MTAP: variants seen among roughly 807,000 people sequenced by gnomAD.
MTAP encodes methylthioadenosine phosphorylase.
MTAP carries 33 observed loss-of-function variants against 33.6 expected under a neutral mutation model. That is an observed-to-expected ratio of 0.98 (90% CI 0.74 to 1.31). The LOEUF (loss-of-function observed/expected upper bound fraction) is 1.31. MTAP is among the 40% of genes most tolerant of loss of function. The pLI, the probability that MTAP is intolerant of heterozygous loss-of-function variation, is 0.00. For missense variants in MTAP, 367 were observed against 360.0 expected, an observed-to-expected ratio of 1.02 and a Z score of -0.16; for synonymous variants, 148 against 125.7, an observed-to-expected ratio of 1.18 and a Z score of -1.19.
Position 21,854,871 on chromosome 9 carries a change from G to T in MTAP, c.690+1G>T. 6.2e-7 allele frequency: 1 copy of T among 1,613,972 alleles called. No individual in the cohort carries two copies. Among genetic ancestry groups the T allele is most frequent in the Non-Finnish European group, 8.5e-7 (1 of 1,179,842 alleles). Reference sequence around the variant, plus strand: ...CTGCTGGAAGGAGCACGAGGAAGCAGTAGGTGGAATTCTTTTCTAAGCACA... The same window carrying T: ...CTGCTGGAAGGAGCACGAGGAAGCATTAGGTGGAATTCTTTTCTAAGCACA... On this transcript the variant is annotated splice_donor_variant, in intron 6 of 7. Coordinates refer to ENST00000644715, the MANE Select transcript of MTAP (RefSeq NM_002451.4). LOFTEE classifies it high-confidence loss of function.
At chr9:21,835,992 G>C (rs1825095767) in intron 4 of MTAP, among the ~76,000 whole-genome samples, 1 of 152,094 alleles carries the variant, frequency 6.6e-6, no homozygotes. Flanking sequence ...TTAAGCCCTT[G>C]CTTCTCCCCC....
chr9:21,845,857 T>C (rs1377593426), intron 5 of MTAP, among the ~76,000 whole-genome samples: 1 of 152,142 alleles, frequency 6.6e-6, no homozygotes, highest in Non-Finnish European at 1.5e-5. Context: ...TTACCTGACA[T>C]CAAACTATAC....
chr9:21,863,329 C>T lies in MTAP; in HGVS notation c.*1315C>T, dbSNP rs1289413301. The T allele has an allele frequency of 1.0e-5, 10 of 982,690 alleles. No homozygotes were observed. Among genetic ancestry groups the T allele is most frequent in the Admixed American group, 6.2e-5 (1 of 16,212 alleles). 60.9% of individuals were successfully genotyped at this position (982,690 alleles called of 1,614,324 possible). ...TTTTATAGAAATGCTTTTTGTTGGC[C>T]GGGCACAGTTGCTCATCCATGTAAT... On this transcript the variant is annotated 3_prime_UTR_variant, in exon 8 of 8. Coordinates refer to ENST00000644715, the MANE Select transcript of MTAP (RefSeq NM_002451.4).
chr9:21,939,284 G>A (rs117779010), downstream of MTAP, among the ~76,000 whole-genome samples: 3,131 of 152,174 alleles, frequency 0.021, 57 homozygotes, highest in Non-Finnish European at 0.031. Context: ...GTGTGAAAAC[G>A]GACTAATGCA....
chr9:21,906,777 G>A (rs1010793501), intron 1 of MTAP, among the ~76,000 whole-genome samples: 1 of 152,120 alleles, frequency 6.6e-6, no homozygotes, highest in African/African-American at 2.4e-5. Flanking sequence ...TGGTATAACA[G>A]CAATTATTTA....
chr9:21,869,936 A>G (rs183081200), downstream of MTAP, among the ~76,000 whole-genome samples: 123 of 152,308 alleles, frequency 8.1e-4, 1 homozygote, highest in Admixed American at 4.5e-3. Flanking sequence ...TGTGATTTGC[A>G]CTTGCCCTCC....
chr9:21,897,656 TG>T lies in MTAP; in HGVS notation c.148-33349del, dbSNP rs1818318685. Among the ~76,000 whole-genome samples, 4 of 152,172 alleles carry T rather than the reference TG, an allele frequency of 2.6e-5. No homozygotes were observed. In the South Asian group the frequency reaches 6.2e-4, roughly 24 times the overall value. On this transcript the variant is annotated intron_variant, in intron 1 of 1. Coordinates refer to the MTAP transcript ENST00000577563. ...ATTGCTTCAAAGAGAATAAAATAGC[TG>T]GGAATCCAGCTTACAAGGGATGTGA...
intron 1 of MTAP, among the ~76,000 whole-genome samples, chr9:21,903,899 GT>G (rs1818430875): frequency 6.6e-6 from 1 of 152,180 alleles, no homozygotes. Context: ...GTTAGCTCAA[GT>G]AGACCCCCTT....
chr9:21,909,711 A>G (rs1818538515), intron 1 of MTAP, among the ~76,000 whole-genome samples: 1 of 152,158 alleles, frequency 6.6e-6, no homozygotes, highest in Non-Finnish European at 1.5e-5. Context: ...AAGCATAAAA[A>G]TAGCTAACAT....
At chr9:21,900,725 A>G (rs1292404792) in intron 1 of MTAP, among the ~76,000 whole-genome samples, 3 of 152,260 alleles carry the variant, frequency 2.0e-5, no homozygotes, top group African/African-American at 7.2e-5. Flanking sequence ...GCTTATGTTC[A>G]TCACAGCACT....
chr9:21,884,317 A>G (rs536261360), intron 1 of MTAP, among the ~76,000 whole-genome samples: 1 of 152,312 alleles, frequency 6.6e-6, no homozygotes, highest in South Asian at 2.1e-4. Flanking sequence ...ACACAACACA[A>G]TGCTCAGAAT....
At chr9:21,884,678 C>A (rs1818079850) in intron 1 of MTAP, among the ~76,000 whole-genome samples, 1 of 152,094 alleles carries the variant, frequency 6.6e-6, no homozygotes, top group Non-Finnish European at 1.5e-5. Context: ...TCTTTCTCTT[C>A]TTATAAGGAC....
intron 1 of MTAP, among the ~76,000 whole-genome samples, chr9:21,896,057 C>CT (rs1818286587): frequency 6.6e-6 from 1 of 152,192 alleles, no homozygotes; most frequent in African/African-American, 2.4e-5. Flanking sequence ...TTATAACAAA[C>CT]TGTCTCTCAG....
At position 21,854,742 on chromosome 9, in the gene MTAP, A is replaced by C; in HGVS notation, c.562A>C (p.Thr188Pro). 6.2e-7 allele frequency: 1 copy of C among 1,614,096 alleles called. No individual in the cohort carries two copies. The highest frequency in any genetic ancestry group is 8.5e-7 in the Non-Finnish European group (1 of 1,179,984). Residue 188 changes from threonine (T) to proline (P), a missense_variant, in exon 6 of 8, where the codon ACC becomes CCC. By Grantham distance (38) the Thr-to-Pro change is conservative. Coordinates refer to ENST00000644715, the MANE Select transcript of MTAP (RefSeq NM_002451.4). ...SSRAESFMFR[T>P]WGADVINMTT... is the part of the protein sequence containing the mutation. Reference sequence around the variant, plus strand: ...CCGGGCAGAAAGCTTCATGTTCCGCACCTGGGGGGCGGATGTTATCAACAT... The same window carrying C: ...CCGGGCAGAAAGCTTCATGTTCCGCCCCTGGGGGGCGGATGTTATCAACAT...
intron 1 of MTAP, among the ~76,000 whole-genome samples, chr9:21,923,959 G>A (rs1818828039): frequency 2.6e-5 from 4 of 152,208 alleles, no homozygotes. Context: ...GCTGGTCACA[G>A]GCCACAGGCA....
chr9:21,856,083 CT>C, intron 6 of MTAP: 1 of 845,638 alleles, frequency 1.2e-6, no homozygotes, highest in Non-Finnish European at 1.4e-6. Context: ...ACCTCTTTCT[CT>C]TTTTATTCCT....
intron 1 of MTAP, chr9:21,892,587 G>A (rs1818217465): frequency 6.6e-6 from 1 of 152,206 alleles, no homozygotes; most frequent in Non-Finnish European, 1.5e-5. Context: ...AAATATATAT[G>A]CAGCCAATAC....
chr9:21,840,553 T>C (rs2118354303), intron 5 of MTAP, among the ~76,000 whole-genome samples: 1 of 152,228 alleles, frequency 6.6e-6, no homozygotes. Flanking sequence ...TTATGTGAAA[T>C]ATGAAAGTAG....
chr9:21,898,466 T>G (rs1818335003), intron 1 of MTAP, among the ~76,000 whole-genome samples: 1 of 151,908 alleles, frequency 6.6e-6, no homozygotes, highest in Non-Finnish European at 1.5e-5. Flanking sequence ...TGGGAGAAAA[T>G]TTTTACAATC....
Sources: gnomAD v4.1 joint callset for allele counts (sites outside exome capture counted in the v4.1 genomes callset) on GRCh38, gnomAD v4.1.1 for gene constraint, MANE v1.5 for transcripts, NCBI Gene and HGNC (gene_info 2026-07-23, HGNC 2026-07-21) for gene names.